The following NCOA2 variants were observed in gnomAD, a reference collection of about 807,000 sequenced individuals.
NCOA2 encodes nuclear receptor coactivator 2, also known as class E basic helix-loop-helix protein 75.
In NCOA2, 21 loss-of-function variants were observed where a neutral mutation model predicts 145.1. That is an observed-to-expected ratio of 0.14 (90% CI 0.10 to 0.21). The LOEUF (loss-of-function observed/expected upper bound fraction) is 0.21. Among genes scored for constraint, NCOA2 ranks in the 10% least tolerant of loss-of-function variants. The pLI is 1.00. For synonymous variants in NCOA2, 619 were observed against 637.5 expected, an observed-to-expected ratio of 0.97 and a Z score of 0.44; for missense variants, 1,472 against 1,837.6, an observed-to-expected ratio of 0.80 and a Z score of 3.64.
intron 5 of NCOA2, among the ~76,000 whole-genome samples, chr8:70,171,144 A>G (rs1814207596): frequency 6.6e-6 from 1 of 152,166 alleles, no homozygotes; most frequent in African/African-American, 2.4e-5. Flanking sequence ...TCACAGCCTC[A>G]CTTTTTGTTG....
At chr8:70,339,865 G>T (rs182169394) in intron 1 of NCOA2, among the ~76,000 whole-genome samples, 4 of 152,328 alleles carry the variant, frequency 2.6e-5, no homozygotes. Flanking sequence ...AATAAATGGT[G>T]CTGGGAGAAC....
chr8:70,163,383 C>T, intron 8 of NCOA2, 82 bp downstream of exon 8: 1 of 988,308 alleles, frequency 1.0e-6, no homozygotes, highest in Admixed American at 2.2e-5. Flanking sequence ...TCCTTACAGT[C>T]TTCTAAATAG....
chr8:70,194,949 G>A (rs558565316), intron 4 of NCOA2, among the ~76,000 whole-genome samples: 45 of 152,266 alleles, frequency 3.0e-4, no homozygotes, highest in African/African-American at 1.1e-3. Context: ...GAGCTAGGTA[G>A]AGATCTAGAC....
rs181287534 is a variant in NCOA2 at position 70,265,831 on chromosome 8, T to C, written c.-20+30913A>G. 3.0e-3 allele frequency among the ~76,000 whole-genome samples: 457 copies of C among 152,102 alleles called. 2 individuals carry two copies. The highest frequency in any genetic ancestry group is 4.4e-3 in the Non-Finnish European group (299 of 68,028). On this transcript the variant is annotated intron_variant, in intron 2 of 22. Transcript: ENST00000452400. ...CAGTTTTTTGTTGTTGTTGTTGTTG[T>C]TGTTTTGTTTGTTTTTTTAAAGAGA...
Position 70,306,032 on chromosome 8 carries a change from CTATA to C in NCOA2, c.-76-9236_-76-9233del, listed in dbSNP as rs904089104. Among the ~76,000 whole-genome samples, 6 of 152,212 alleles carry C rather than the reference CTATA, an allele frequency of 3.9e-5. No homozygotes were observed. In the East Asian group the frequency reaches 9.7e-4, roughly 24 times the overall value. ...AGAAATGTGGCCCTACTGTGTGAGA[CTATA>C]TAGAGTTTTTTGTCCTCCTAAAAAA... is the stretch of plus-strand genomic sequence containing the variant. On this transcript the variant is annotated intron_variant, in intron 1 of 22. Coordinates refer to ENST00000452400, the MANE Select transcript of NCOA2 (RefSeq NM_006540.4).
intron 1 of NCOA2, among the ~76,000 whole-genome samples, chr8:70,371,445 C>G (rs1416110979): frequency 6.6e-6 from 1 of 151,842 alleles, no homozygotes; most frequent in African/African-American, 2.4e-5. Flanking sequence ...ACAGAATAAT[C>G]TAGAATTCTT....
chr8:70,418,404 T>C, the NCOA2 span, among the ~76,000 whole-genome samples: 81 of 152,222 alleles, frequency 5.3e-4, 1 homozygote, highest in African/African-American at 1.8e-3. Flanking sequence ...CAATGCTGTG[T>C]AGAATGCCAT....
chr8:70,260,995 C>A (rs929324794), intron 2 of NCOA2, among the ~76,000 whole-genome samples: 4 of 152,232 alleles, frequency 2.6e-5, no homozygotes, highest in Non-Finnish European at 5.9e-5. Flanking sequence ...CACTTTCACA[C>A]TGTTGCTGGG....
chr8:70,126,794 G>A lies in NCOA2; in HGVS notation c.3916+19C>T, dbSNP rs186466154. On this transcript the variant is annotated intron_variant, in intron 19 of 22. Coordinates refer to ENST00000452400, the MANE Select transcript of NCOA2 (RefSeq NM_006540.4). ...GGAGAAAGGACTGGTGAAAGGTGGT[G>A]GGGATCTAAGTCCAGTACCGTAGTT... is the stretch of plus-strand genomic sequence containing the variant. The A allele has an allele frequency of 3.6e-4, 569 of 1,597,798 alleles. 2 individuals carry two copies. The highest frequency in any genetic ancestry group is 3.6e-4 in the East Asian group (16 of 44,740).
chr8:70,276,043 C>T (rs1825440498), intron 2 of NCOA2, among the ~76,000 whole-genome samples: 1 of 151,964 alleles, frequency 6.6e-6, no homozygotes, highest in Non-Finnish European at 1.5e-5. Flanking sequence ...TGAATGATTC[C>T]CTAATTATCA....
intron 2 of NCOA2, among the ~76,000 whole-genome samples, chr8:70,251,312 A>C (rs1399474056): frequency 6.6e-6 from 1 of 152,234 alleles, no homozygotes; most frequent in East Asian, 1.9e-4. Flanking sequence ...TACCCACACA[A>C]AAGAGGGCTG....
intron 1 of NCOA2, among the ~76,000 whole-genome samples, chr8:70,338,128 T>TA (rs375608788): frequency 1.2e-3 from 180 of 150,626 alleles, no homozygotes; most frequent in East Asian, 3.7e-3. Context: ...AAAAAACCCT[T>TA]AAAAAAAAAT....
chr8:70,215,800 T>C (rs1260177901), intron 3 of NCOA2, among the ~76,000 whole-genome samples: 2 of 152,260 alleles, frequency 1.3e-5, no homozygotes, highest in Non-Finnish European at 2.9e-5. Flanking sequence ...ACAATTATTG[T>C]TTCTTGATTA....
the NCOA2 span, among the ~76,000 whole-genome samples, chr8:70,456,032 T>A: frequency 1.3e-5 from 2 of 150,256 alleles, no homozygotes; most frequent in Admixed American, 1.3e-4. Context: ...ACTTTATAGA[T>A]GAAGACATTT....
At chr8:70,430,119 C>T in the NCOA2 span, among the ~76,000 whole-genome samples, 1 of 152,114 alleles carries the variant, frequency 6.6e-6, no homozygotes, top group Admixed American at 6.6e-5. Context: ...TCCCAAAGTG[C>T]TAGGATTACA....
At chr8:70,193,449 A>G (rs1054688254) in intron 4 of NCOA2, among the ~76,000 whole-genome samples, 11 of 152,222 alleles carry the variant, frequency 7.2e-5, no homozygotes, top group Admixed American at 7.2e-4. Context: ...ATGCAATCAC[A>G]CAAGGTATAT....
chr8:70,414,230 G>A, the NCOA2 span, among the ~76,000 whole-genome samples: 63 of 152,202 alleles, frequency 4.1e-4, no homozygotes, highest in Non-Finnish European at 6.6e-4. Context: ...ACTAACCACC[G>A]TCTAAGACTA....
At chr8:70,123,836 A>T in intron 21 of NCOA2, 48 bp downstream of exon 21, 1 of 1,485,702 alleles carries the variant, frequency 6.7e-7, no homozygotes, top group South Asian at 1.4e-5. Flanking sequence ...GAAGTAGAAA[A>T]AAAGCCGTGA....
chr8:70,335,114 CT>C (rs1335922099), intron 1 of NCOA2, among the ~76,000 whole-genome samples: 2 of 101,210 alleles, frequency 2.0e-5, no homozygotes, highest in African/African-American at 4.2e-5. Flanking sequence ...CAGCATGAGA[CT>C]CCATCTCAAA....
Sources: allele counts gnomAD v4.1 joint callset (sites outside exome capture counted in the v4.1 genomes callset), GRCh38; gene constraint gnomAD v4.1.1; transcripts MANE v1.5; gene names NCBI Gene and HGNC (gene_info 2026-07-23, HGNC 2026-07-21).